The following CROCC variants were observed in gnomAD, a reference collection of about 807,000 sequenced individuals.
CROCC encodes ciliary rootlet coiled-coil, rootletin, also known as rootletin.
CROCC carries 180 observed loss-of-function variants against 245.2 expected under a neutral mutation model. That is an observed-to-expected ratio of 0.73 (90% CI 0.65 to 0.83). CROCC has a LOEUF of 0.83. Ranked by LOEUF, CROCC falls within the 40% of genes least tolerant of loss-of-function variation. The probability of loss-of-function intolerance (pLI) is 0.00; values close to 1 mark genes in which losing one functional copy is unlikely to be tolerated. For synonymous variants in CROCC, 1,205 were observed against 1,241.6 expected (o/e 0.97, Z 0.62); for missense variants, 2,688 against 2,779.4 (o/e 0.97, Z 0.74).
upstream of CROCC, among the ~76,000 whole-genome samples, chr1:16,921,133 G>A (rs1213954216): frequency 6.6e-6 from 1 of 152,258 alleles, no homozygotes; most frequent in Non-Finnish European, 1.5e-5. Context: ...TCATGTGCTG[G>A]GTATGCACAC....
intron 3 of CROCC, among the ~76,000 whole-genome samples, chr1:16,927,290 T>C (rs2075555906): frequency 2.0e-5 from 3 of 152,216 alleles, no homozygotes; most frequent in African/African-American, 4.8e-5. Flanking sequence ...AACAACCATA[T>C]GCAGATGACA....
At chr1:16,945,891 T>G (rs2076034038) in intron 15 of CROCC, among the ~76,000 whole-genome samples, 1 of 152,284 alleles carries the variant, frequency 6.6e-6, no homozygotes, top group African/African-American at 2.4e-5. Flanking sequence ...TGCCTGAGAC[T>G]CAGCTCCTGG....
chr1:16,922,990 C>T lies in CROCC; in HGVS notation c.196+192C>T, dbSNP rs539389258. Among the ~76,000 whole-genome samples the T allele has an allele frequency of 8.5e-5, 13 of 152,404 alleles. No homozygotes were observed. In the East Asian group the frequency reaches 1.3e-3, roughly 16 times the overall value. ...GGGATGTAATTTGTCCAGACTTATT[C>T]CGCATGTGGTGCAACTAGAAGGAAG... is the stretch of plus-strand genomic sequence containing the variant. On this transcript the variant is annotated intron_variant, in intron 2 of 36. Transcript: ENST00000375541.
intron 1 of CROCC, 35 bp downstream of exon 1, chr1:16,922,113 G>A (rs1240240753): frequency 1.3e-6 from 2 of 1,514,554 alleles, no homozygotes; most frequent in Non-Finnish European, 1.8e-6. Flanking sequence ...CCTGTCTGGG[G>A]CGGGGCAGCG....
chr1:16,941,996 C>G (rs1258428776), intron 13 of CROCC, among the ~76,000 whole-genome samples: 1 of 152,368 alleles, frequency 6.6e-6, no homozygotes, highest in East Asian at 1.9e-4. Context: ...GCCACCATGC[C>G]TAGCCTTGAA....
At chr1:16,943,826 C>T (rs116363352) in intron 13 of CROCC, among the ~76,000 whole-genome samples, 1,404 of 152,088 alleles carry the variant, frequency 9.2e-3, no homozygotes, top group African/African-American at 0.033. Flanking sequence ...GAGCCTAGCT[C>T]GGCCTCTTCT....
At position 16,932,089 on chromosome 1, in the gene CROCC, T is replaced by G. The variant is rs77135834; in HGVS notation, c.956+692T>G. Among the ~76,000 whole-genome samples the G allele has an allele frequency of 5.8e-3, 878 of 152,082 alleles. 1 individual carries two copies. The highest frequency in any genetic ancestry group is 0.02 in the African/African-American group (837 of 41,330). ...GCCGAAGTTCCTGATTTTAATCCAC[T>G]AGAATATTCAGCTTTGCTACCAAGG... On this transcript the variant is annotated intron_variant, in intron 8 of 36. Coordinates refer to ENST00000375541, the MANE Select transcript of CROCC (RefSeq NM_014675.5).
At chr1:16,961,225 G>T (rs1472308480) in intron 27 of CROCC, 95 bp downstream of exon 27, 23 of 1,198,124 alleles carry the variant, frequency 1.9e-5, no homozygotes, top group Non-Finnish European at 2.4e-5. Flanking sequence ...TTTTGTTTTT[G>T]TTTTTTTTCA....
chr1:16,941,741 A>T (rs888324954), intron 13 of CROCC, among the ~76,000 whole-genome samples: 1 of 152,246 alleles, frequency 6.6e-6, no homozygotes, highest in African/African-American at 2.4e-5. Context: ...CAAAAAAAAA[A>T]AAAAAAGAAA....
intron 27 of CROCC, among the ~76,000 whole-genome samples, chr1:16,964,533 C>T (rs1223862528): frequency 2.0e-5 from 3 of 152,024 alleles, no homozygotes; most frequent in Admixed American, 6.6e-5. Flanking sequence ...GGATTACAGG[C>T]GCCCGCCACC....
At position 16,965,762 on chromosome 1, in the gene CROCC, G is replaced by A. The variant is rs1261640855; in HGVS notation, c.4445G>A (p.Cys1482Tyr). The A allele has an allele frequency of 2.5e-6, 4 of 1,613,852 alleles. No individual in the cohort carries two copies. The highest frequency in any genetic ancestry group is 8.5e-7 in the Non-Finnish European group (1 of 1,179,970). ...EGLNSPSTLE[C>Y]SPGSQPPSPG... is the part of the protein sequence containing the mutation. ...CTCAACAGCCCCAGCACCTTAGAAT[G>A]CAGCCCTGGGTCCCAGCCACCATCT... Residue 1482 changes from cysteine (C) to tyrosine (Y), a missense_variant, in exon 28 of 37, where the codon TGC becomes TAC. Physicochemically the swap from Cys to Tyr is radical, Grantham distance 194 (BLOSUM62 -2). Transcript: ENST00000375541.
At chr1:16,934,899 T>A (rs1192334176) in intron 8 of CROCC, among the ~76,000 whole-genome samples, 1 of 151,106 alleles carries the variant, frequency 6.6e-6, no homozygotes, top group Non-Finnish European at 1.5e-5. Context: ...TTTCTTTTTT[T>A]TTTTTTTTTT....
intron 31 of CROCC, 91 bp downstream of exon 31, chr1:16,968,509 A>G (rs1204502104): frequency 7.9e-7 from 1 of 1,272,980 alleles, no homozygotes; most frequent in Non-Finnish European, 1.0e-6. Flanking sequence ...CAACCCTGTG[A>G]GGCAAGTATT....
chr1:16,915,888 G>T (rs1380696821), intron 1 of CROCC, among the ~76,000 whole-genome samples: 1 of 152,226 alleles, frequency 6.6e-6, no homozygotes, highest in African/African-American at 2.4e-5. Flanking sequence ...AATCAAGAAG[G>T]CCATGAGCAG....
At chr1:16,959,283 C>T (rs2076294096) in intron 26 of CROCC, among the ~76,000 whole-genome samples, 1 of 152,196 alleles carries the variant, frequency 6.6e-6, no homozygotes, top group Non-Finnish European at 1.5e-5. Flanking sequence ...CTCGGCCTCC[C>T]AAAGTGCTGG....
intron 3 of CROCC, among the ~76,000 whole-genome samples, chr1:16,925,480 T>C (rs1192882470): frequency 6.6e-6 from 1 of 152,268 alleles, no homozygotes; most frequent in African/African-American, 2.4e-5. Context: ...ACTAACCCAG[T>C]CTAGAAACAA....
intron 13 of CROCC, 141 bp from the exon 14 acceptor site, chr1:16,943,959 G>C: frequency 1.2e-6 from 1 of 815,452 alleles, no homozygotes; most frequent in South Asian, 2.0e-5. Flanking sequence ...GCCATGGACA[G>C]GGTGGTCAGG....
chr1:16,972,081 A>G lies in CROCC; in HGVS notation c.5968-279A>G, dbSNP rs551288546. Among the ~76,000 whole-genome samples the G allele has an allele frequency of 3.9e-5, 6 of 152,322 alleles. No homozygotes were observed. The South Asian group carries it at 1.0e-3, about 26-fold the overall frequency. ...TCTCTGCTAGGCCGGGCTGGGTCAC[A>G]TGTCCACCCCTTGGGTCTGGGCTGA... is the stretch of plus-strand genomic sequence containing the variant. On this transcript the variant is annotated intron_variant, in intron 36 of 36. Transcript: ENST00000375541.
chr1:16,940,219 C>G (rs1251794067), intron 13 of CROCC, 126 bp downstream of exon 13: 1 of 1,073,012 alleles, frequency 9.3e-7, no homozygotes, highest in Non-Finnish European at 1.3e-6. Context: ...TGCCTATTAA[C>G]GTTTATTTAT....
Sources: gnomAD v4.1 joint callset for allele counts (sites outside exome capture counted in the v4.1 genomes callset) on GRCh38, gnomAD v4.1.1 for gene constraint, MANE v1.5 for transcripts, NCBI Gene and HGNC (gene_info 2026-07-23, HGNC 2026-07-21) for gene names.